UTS2: variants seen among roughly 807,000 people sequenced by gnomAD.
The protein encoded by UTS2 is urotensin-2.
Under a neutral mutation model 12.6 loss-of-function variants are expected in UTS2, and 10 were observed. The observed-to-expected ratio is 0.80, with a 90% confidence interval of 0.49 to 1.35. The LOEUF (loss-of-function observed/expected upper bound fraction) is 1.35. UTS2 is among the 40% of genes most tolerant of loss of function. The pLI, the probability that UTS2 is intolerant of heterozygous loss-of-function variation, is 0.00. For synonymous variants in UTS2, 52 were observed against 50.0 expected (o/e 1.04, Z -0.17); for missense variants, 142 against 143.2 (o/e 0.99, Z 0.04).
upstream of UTS2, chr1:7,853,532 A>G (rs900097871): frequency 2.7e-6 from 4 of 1,481,448 alleles, no homozygotes; most frequent in African/African-American, 4.2e-5. Context: ...AAAACCAGCT[A>G]TTTCCTTTAA....
At chr1:7,906,582 C>G in the UTS2 span, among the ~76,000 whole-genome samples, 1 of 151,936 alleles carries the variant, frequency 6.6e-6, no homozygotes, top group African/African-American at 2.4e-5. Context: ...CCCTACTACC[C>G]CCTTGAAATT....
chr1:7,853,844 G>A (rs1012836815), upstream of UTS2, among the ~76,000 whole-genome samples: 26 of 152,222 alleles, frequency 1.7e-4, no homozygotes, highest in Non-Finnish European at 2.9e-4. Flanking sequence ...CCTGCCACAG[G>A]CTCAGCACAG....
At chr1:7,853,785 C>T (rs968579371), upstream of UTS2, among the ~76,000 whole-genome samples, 9 of 152,228 alleles carry the variant, frequency 5.9e-5, no homozygotes, top group Non-Finnish European at 1.0e-4. Context: ...GGTCCAAGCC[C>T]GGATGGGTGG....
At chr1:7,871,235 G>A in the UTS2 span, among the ~76,000 whole-genome samples, 2 of 152,230 alleles carry the variant, frequency 1.3e-5, no homozygotes, top group South Asian at 2.1e-4. Flanking sequence ...CTGAGTTGGT[G>A]TTTGTGAGAT....
At chr1:7,849,024 G>A (rs1279368830) in intron 3 of UTS2, among the ~76,000 whole-genome samples, 7 of 152,062 alleles carry the variant, frequency 4.6e-5, no homozygotes, top group Non-Finnish European at 7.4e-5. Flanking sequence ...GCGGTGGGCC[G>A]CATGTTAGAT....
the UTS2 span, among the ~76,000 whole-genome samples, chr1:7,863,026 TTGTATTGTATTGTATTG>T: frequency 0.071 from 3,664 of 51,646 alleles, 280 homozygotes; most frequent in Non-Finnish European, 0.088. Flanking sequence ...TTGTATTGTA[TTGTATTGTATTGTATTG>T]TATTGTATTG....
chr1:7,906,602 A>C, the UTS2 span, among the ~76,000 whole-genome samples: 1 of 152,146 alleles, frequency 6.6e-6, no homozygotes, highest in Admixed American at 6.6e-5. Flanking sequence ...TCATACTTGC[A>C]CACAGAAACT....
At chr1:7,860,306 TGAGA>T in the UTS2 span, among the ~76,000 whole-genome samples, 2 of 151,964 alleles carry the variant, frequency 1.3e-5, no homozygotes, top group East Asian at 1.9e-4. Flanking sequence ...CACAGCTAGC[TGAGA>T]GAAAGAGCCT....
At chr1:7,872,299 CAAAAA>C in the UTS2 span, among the ~76,000 whole-genome samples, 46 of 65,882 alleles carry the variant, frequency 7.0e-4, no homozygotes, top group East Asian at 4.2e-3. Flanking sequence ...GACTCTGTCT[CAAAAA>C]AAAAAAAAAA....
the UTS2 span, among the ~76,000 whole-genome samples, chr1:7,899,974 C>T: frequency 5.3e-3 from 809 of 152,290 alleles, 1 homozygote; most frequent in Non-Finnish European, 8.1e-3. Context: ...CCAGAGACAG[C>T]AATCGCAGAG....
the UTS2 span, among the ~76,000 whole-genome samples, chr1:7,891,334 T>C: frequency 0.42 from 63,248 of 151,636 alleles, 13,642 homozygotes; most frequent in East Asian, 0.53. Context: ...CAGACCAGCC[T>C]GGCCAACATG....
chr1:7,911,124 T>C, the UTS2 span, among the ~76,000 whole-genome samples: 1 of 152,102 alleles, frequency 6.6e-6, no homozygotes, highest in African/African-American at 2.4e-5. Flanking sequence ...AAGACGGCTA[T>C]CAGACCGCAA....
Position 7,847,748 on chromosome 1 carries a change from A to G in UTS2, c.*18T>C, listed in dbSNP as rs1476554669. The G allele has an allele frequency of 1.3e-6, 2 of 1,569,330 alleles. No homozygotes were observed. On this transcript the variant is annotated 3_prime_UTR_variant, in exon 4 of 4. Coordinates refer to ENST00000361696, the MANE Select transcript of UTS2 (RefSeq NM_006786.4). ...AAGATGGGTGTTTCTGAGCTGACTA[A>G]CAGATGCTTATTTCACTTCAGACAC...
chr1:7,874,186 T>C, the UTS2 span, among the ~76,000 whole-genome samples: 1 of 152,046 alleles, frequency 6.6e-6, no homozygotes, highest in African/African-American at 2.4e-5. Flanking sequence ...AAAAGGTAAA[T>C]GAGAGATCCC....
chr1:7,850,060 C>T (rs1470329370), intron 2 of UTS2, among the ~76,000 whole-genome samples: 2 of 151,132 alleles, frequency 1.3e-5, no homozygotes, highest in African/African-American at 2.4e-5. Flanking sequence ...ACCTCTGCCT[C>T]CTGGGTTCAA....
In UTS2 at chr1:7,849,709, C is replaced by T. The variant is rs1032709419; in HGVS notation, c.215-26G>A. 14 of 1,596,168 alleles carry T rather than the reference C, an allele frequency of 8.8e-6. No individual in the cohort carries two copies. The African/African-American group carries it at 1.9e-4, about 22-fold the overall frequency. On this transcript the variant is annotated intron_variant, in intron 2 of 3. Transcript: ENST00000361696. ...CTGAAAAACAGTTTTGAAGCCAGTT[C>T]ATCAGATCTGTTGTTTCTCTTGTAT...
At chr1:7,869,483 A>G in the UTS2 span, among the ~76,000 whole-genome samples, 1 of 152,196 alleles carries the variant, frequency 6.6e-6, no homozygotes, top group South Asian at 2.1e-4. Context: ...CCACAGGCCG[A>G]GGTTTTTATA....
the UTS2 span, among the ~76,000 whole-genome samples, chr1:7,896,493 T>C: frequency 1.3e-5 from 2 of 152,282 alleles, no homozygotes; most frequent in South Asian, 4.1e-4. Flanking sequence ...TTGTTCTTAG[T>C]GGAAAATGAA....
chr1:7,912,359 A>T, the UTS2 span, among the ~76,000 whole-genome samples: 1 of 152,178 alleles, frequency 6.6e-6, no homozygotes, highest in Non-Finnish European at 1.5e-5. Flanking sequence ...AGCGGCATAA[A>T]CCAATCAAAA....
Sources: gnomAD v4.1 joint callset for allele counts (sites outside exome capture counted in the v4.1 genomes callset) on GRCh38, gnomAD v4.1.1 for gene constraint, MANE v1.5 for transcripts, NCBI Gene and HGNC (gene_info 2026-07-23, HGNC 2026-07-21) for gene names.